Variants in TG observed in about 807,000 individuals in gnomAD.
TG encodes thyroglobulin, also known as thyroid hormones.
A neutral mutation model predicts 324.7 loss-of-function variants in TG; 270 were observed. The observed-to-expected ratio is 0.83, with a 90% CI of 0.75 to 0.92. TG has a LOEUF of 0.92. TG is among the 40% of genes least tolerant of loss of function. The pLI is 0.00. For synonymous variants in TG, 1,401 were observed against 1,327.0 expected, an observed-to-expected ratio of 1.06 and a Z score of -1.21; for missense variants, 3,591 against 3,456.4, an observed-to-expected ratio of 1.04 and a Z score of -0.98.
chr8:133,064,779 G>T (rs1345696689), intron 41 of TG, among the ~76,000 whole-genome samples: 1 of 152,152 alleles, frequency 6.6e-6, no homozygotes, highest in Non-Finnish European at 1.5e-5. Flanking sequence ...AGGTGGGGAG[G>T]CTTCTCAGAA....
At chr8:132,977,611 A>G (rs1049910598) in intron 34 of TG, among the ~76,000 whole-genome samples, 6 of 152,150 alleles carry the variant, frequency 3.9e-5, no homozygotes, top group African/African-American at 1.4e-4. Flanking sequence ...CACATCTTAC[A>G]TGAATGGCAG....
chr8:133,122,355 T>C (rs1851208873), intron 45 of TG, among the ~76,000 whole-genome samples: 1 of 152,172 alleles, frequency 6.6e-6, no homozygotes. Context: ...AATCATAGAA[T>C]ATAGAAGATG....
At chr8:133,019,917 T>C (rs1201125686) in intron 39 of TG, among the ~76,000 whole-genome samples, 1 of 152,202 alleles carries the variant, frequency 6.6e-6, no homozygotes. Flanking sequence ...CATGGGCGTG[T>C]GCTTTTTCCA....
At chr8:133,057,780 AAAAAAAAC>A (rs1255755396) in intron 41 of TG, among the ~76,000 whole-genome samples, 7 of 151,966 alleles carry the variant, frequency 4.6e-5, no homozygotes, top group Non-Finnish European at 7.4e-5. Flanking sequence ...AAAACAAAAA[AAAAAAAAC>A]AAAAAAACAG....
At position 132,886,564 on chromosome 8, in the gene TG, T is replaced by C. The variant is rs1269808386; in HGVS notation, c.1192T>C (p.Ser398Pro). 1 of 1,614,080 alleles carries C rather than the reference T, an allele frequency of 6.2e-7. No homozygotes were observed. The highest frequency in any genetic ancestry group is 8.5e-7 in the Non-Finnish European group (1 of 1,180,042). Residue 398 changes from serine to proline, a missense_variant, in exon 9 of 48, where the codon TCT becomes CCT. Physicochemically the swap from Ser to Pro is moderately conservative, Grantham distance 74 (BLOSUM62 -1). Transcript: ENST00000220616. ...CTCTTCCCCAGAGAAAAGATGGGCC[T>C]CTCCAAGAGTAGCCAGATTTGCCAC... ...LFSSPEKRWA[S>P]PRVARFATSC...
intron 45 of TG, among the ~76,000 whole-genome samples, chr8:133,127,497 T>C (rs1448673080): frequency 6.6e-6 from 1 of 152,132 alleles, no homozygotes; most frequent in East Asian, 1.9e-4. Flanking sequence ...ATTTCTCAGT[T>C]CTAGTCTTTC....
Position 132,871,496 on chromosome 8 carries a change from G to A in TG, c.423G>A (p.Val141=). Residue 141 remains valine (V), a synonymous_variant, in exon 4 of 48, where the codon GTG becomes GTA. Transcript: ENST00000220616. ...CDVQQVQCWC[V]DAEGMEVYGT... Reference sequence around the variant, plus strand: ...TGCAGCAGGTCCAGTGCTGGTGTGTGGACGCAGAGGGGATGGAGGTGTATG... The same window carrying A: ...TGCAGCAGGTCCAGTGCTGGTGTGTAGACGCAGAGGGGATGGAGGTGTATG... 6.2e-7 allele frequency: 1 copy of A among 1,614,174 alleles called. No homozygotes were observed. The highest frequency in any genetic ancestry group is 8.5e-7 in the Non-Finnish European group (1 of 1,180,030).
At chr8:133,074,428 C>G (rs1216116899) in intron 41 of TG, among the ~76,000 whole-genome samples, 3 of 152,184 alleles carry the variant, frequency 2.0e-5, no homozygotes, top group Admixed American at 2.0e-4. Flanking sequence ...AATTTCTTCA[C>G]TTTGCCCTAT....
chr8:133,118,743 G>A lies in TG; in HGVS notation c.7862+2027G>A, dbSNP rs10099774. On this transcript the variant is annotated intron_variant, in intron 45 of 47. Transcript: ENST00000220616. Reference sequence around the variant, plus strand: ...TGTCTCACAGTCTATTCGAGCTGCCGTAGTAAAATACCTTAGCTGAATAGT... The same window carrying A: ...TGTCTCACAGTCTATTCGAGCTGCCATAGTAAAATACCTTAGCTGAATAGT... Among the ~76,000 whole-genome samples the A allele has an allele frequency of 7.9e-3, 1,206 of 152,220 alleles. 16 individuals carry two copies. The highest frequency in any genetic ancestry group is 0.027 in the African/African-American group (1,137 of 41,526).
chr8:133,076,657 A>G (rs1844911232), intron 41 of TG: 1 of 152,078 alleles, frequency 6.6e-6, no homozygotes, highest in Admixed American at 6.6e-5. Flanking sequence ...GACACTTACC[A>G]AGAAAGAATC....
intron 27 of TG, among the ~76,000 whole-genome samples, chr8:132,956,870 G>A (rs898346593): frequency 3.3e-5 from 5 of 152,072 alleles, no homozygotes; most frequent in Admixed American, 6.6e-5. Flanking sequence ...TGAGAGGAAG[G>A]GTTTGGAGGA....
In TG at chr8:133,042,678, C is replaced by CTTTTTTTTTTTTT. The variant is rs58739514; in HGVS notation, c.7239+12674_7239+12686dup. Among the ~76,000 whole-genome samples the CTTTTTTTTTTTTT allele has an allele frequency of 1.2e-3, 69 of 56,762 alleles. 12 individuals carry two copies. Among genetic ancestry groups the CTTTTTTTTTTTTT allele is most frequent in the African/African-American group, 2.1e-3 (31 of 14,484 alleles). 37.2% of individuals were successfully genotyped at this position (56,762 alleles called of 152,430 possible). A position where few individuals can be genotyped will look rare whatever the true frequency, so the allele number is the denominator to read the frequency against. Reference sequence around the variant, plus strand: ...GTGCACAATTCCTCTCATTCTGTGTCTTTTTTTTTTTTTTTTTTTTTTTTT... The same window carrying CTTTTTTTTTTTTT: ...GTGCACAATTCCTCTCATTCTGTGTCTTTTTTTTTTTTTTTTTTTTTTTTTTTTTTTTTTTTTT... On this transcript the variant is annotated intron_variant, in intron 41 of 47. Coordinates refer to ENST00000220616, the MANE Select transcript of TG (RefSeq NM_003235.5).
Position 132,893,831 on chromosome 8 carries a change from A to G in TG, c.2903A>G (p.Glu968Gly). The change falls in exon 11 of 48, where the codon GAG (glutamate) becomes GGG (glycine). Residue 968 changes from glutamate to glycine, a missense_variant. By Grantham distance (98) the Glu-to-Gly change is moderately conservative (BLOSUM62 -2). Transcript: ENST00000220616. ...GCCAAGGGAATCCGGCTGAGGAATG[A>G]GGACCTCGGCCTTCCTCCGCTCTTC... ...LVAKGIRLRN[E>G]DLGLPPLFPP... The G allele has an allele frequency of 6.2e-7, 1 of 1,613,994 alleles. No individual in the cohort carries two copies. Among genetic ancestry groups the G allele is most frequent in the Non-Finnish European group, 8.5e-7 (1 of 1,179,924 alleles).
chr8:132,902,038 TA>T (rs1412515409), intron 16 of TG, among the ~76,000 whole-genome samples: 1 of 152,172 alleles, frequency 6.6e-6, no homozygotes, highest in African/African-American at 2.4e-5. Context: ...TGTTAAATAT[TA>T]AAATATATTA....
rs780506441 is a variant in TG, at chr8:133,017,981, G to A, written c.6766G>A (p.Asp2256Asn). 9.3e-6 allele frequency: 15 copies of A among 1,614,072 alleles called. No individual in the cohort carries two copies. In the Admixed American group the frequency reaches 1.0e-4, roughly 11 times the overall value. ...PEPLNWTGSW[D>N]ASKPRASCWQ... ...GCCCTTGAACTGGACAGGCTCCTGG[G>A]ATGCCAGCAAGCCAAGGTATGGGTT... is the stretch of plus-strand genomic sequence containing the variant. The change falls in exon 38 of 48, where the codon GAT becomes AAT. Residue 2256 changes from aspartate to asparagine, a missense_variant. Coordinates refer to ENST00000220616, the MANE Select transcript of TG (RefSeq NM_003235.5).
intron 20 of TG, 85 bp from the exon 21 acceptor site, chr8:132,919,291 G>A (rs1820800448): frequency 6.9e-6 from 10 of 1,440,796 alleles, no homozygotes; most frequent in South Asian, 1.2e-5. Context: ...CTGGTTTGAG[G>A]ATTTTCTTTA....
chr8:132,936,608 G>T (rs1208335454), intron 25 of TG, among the ~76,000 whole-genome samples: 3 of 152,238 alleles, frequency 2.0e-5, no homozygotes, highest in East Asian at 3.9e-4. Context: ...AGGCACAAAG[G>T]GGATTCCAAT....
intron 41 of TG, chr8:133,047,563 T>A: frequency 2.0e-6 from 1 of 495,194 alleles, no homozygotes; most frequent in Non-Finnish European, 3.7e-6. Context: ...TGTTCTCAGT[T>A]GCTGGAAAAA....
At chr8:132,949,091 G>A (rs1825753233) in intron 27 of TG, 148 bp downstream of exon 27, 1 of 750,602 alleles carries the variant, frequency 1.3e-6, no homozygotes, top group African/African-American at 1.8e-5. Flanking sequence ...ATACTGGATG[G>A]AAACAACCCT....
Sources: allele counts gnomAD v4.1 joint callset (sites outside exome capture counted in the v4.1 genomes callset), GRCh38; gene constraint gnomAD v4.1.1; transcripts MANE v1.5; gene names NCBI Gene and HGNC (gene_info 2026-07-23, HGNC 2026-07-21).